Variants in FAM171A1 observed in about 807,000 individuals in gnomAD.
FAM171A1 encodes family with sequence similarity 171 member A1.
Under a neutral mutation model 74.9 loss-of-function variants are expected in FAM171A1, and 23 were observed. The ratio of observed to expected loss-of-function variants is 0.31; its 90% CI spans 0.22 to 0.44. FAM171A1 has a LOEUF of 0.44. Among genes scored for constraint, FAM171A1 ranks in the 20% least tolerant of loss-of-function variants. The pLI, the probability that FAM171A1 is intolerant of heterozygous loss-of-function variation, is 1.00. For missense variants in FAM171A1, 1,162 were observed against 1,159.2 expected, an observed-to-expected ratio of 1.00 and a Z score of -0.03; for synonymous variants, 527 against 505.7, an observed-to-expected ratio of 1.04 and a Z score of -0.57.
intron 1 of FAM171A1, among the ~76,000 whole-genome samples, chr10:15,329,409 G>A (rs1181958785): frequency 2.0e-5 from 3 of 152,144 alleles, no homozygotes; most frequent in Non-Finnish European, 4.4e-5. Flanking sequence ...AGCACTTTGT[G>A]AGGCCAAGGC....
intron 1 of FAM171A1, among the ~76,000 whole-genome samples, chr10:15,286,664 C>T (rs1180435171): frequency 2.0e-5 from 3 of 152,212 alleles, no homozygotes; most frequent in Non-Finnish European, 2.9e-5. Context: ...GTTTGAGAAT[C>T]TCCACCTTGG....
chr10:15,312,790 G>A (rs927160221), intron 1 of FAM171A1, among the ~76,000 whole-genome samples: 3 of 137,512 alleles, frequency 2.2e-5, no homozygotes, highest in Non-Finnish European at 4.6e-5. Context: ...CTCCGCCTCC[G>A]AGGTCTAAGC....
intron 1 of FAM171A1, among the ~76,000 whole-genome samples, chr10:15,343,192 T>A (rs1835784070): frequency 6.6e-6 from 1 of 152,002 alleles, no homozygotes; most frequent in Non-Finnish European, 1.5e-5. Context: ...CAAGACCCCA[T>A]CACTTAAAAA....
intron 4 of FAM171A1, 120 bp downstream of exon 4, chr10:15,254,601 C>A: frequency 9.1e-7 from 1 of 1,104,330 alleles, no homozygotes; most frequent in Admixed American, 2.6e-5. Context: ...AAGAATTCCC[C>A]TTCTGCACCT....
chr10:15,299,008 C>T (rs538532400), intron 1 of FAM171A1, among the ~76,000 whole-genome samples: 1 of 152,276 alleles, frequency 6.6e-6, no homozygotes, highest in Non-Finnish European at 1.5e-5. Flanking sequence ...GCAACCTCTA[C>T]CTCCCAGGTT....
At chr10:15,256,841 CAT>C (rs1279423751) in intron 3 of FAM171A1, among the ~76,000 whole-genome samples, 2 of 152,206 alleles carry the variant, frequency 1.3e-5, no homozygotes, top group African/African-American at 2.4e-5. Context: ...TGCCCACACA[CAT>C]GGCGCACAGC....
intron 1 of FAM171A1, among the ~76,000 whole-genome samples, chr10:15,354,037 T>C (rs1564288986): frequency 6.6e-6 from 1 of 152,212 alleles, no homozygotes; most frequent in South Asian, 2.1e-4. Flanking sequence ...ACGCCAGGCA[T>C]TGTCCTTCCA....
chr10:15,225,948 T>C (rs935441474), intron 5 of FAM171A1, among the ~76,000 whole-genome samples: 1 of 152,168 alleles, frequency 6.6e-6, no homozygotes, highest in East Asian at 1.9e-4. Context: ...GTCCCTAATG[T>C]GACAGCAGCC....
intron 1 of FAM171A1, among the ~76,000 whole-genome samples, chr10:15,298,231 T>C (rs1355036423): frequency 2.6e-5 from 4 of 152,126 alleles, no homozygotes; most frequent in South Asian, 2.1e-4. Context: ...GCCTTCCAGG[T>C]TGAAGCGATT....
intron 1 of FAM171A1, among the ~76,000 whole-genome samples, chr10:15,357,736 G>A (rs1277778819): frequency 6.6e-6 from 1 of 152,166 alleles, no homozygotes; most frequent in Non-Finnish European, 1.5e-5. Context: ...TATGATTAAT[G>A]GATGGATAGA....
chr10:15,325,728 G>A (rs1414103484), intron 1 of FAM171A1, among the ~76,000 whole-genome samples: 4 of 152,052 alleles, frequency 2.6e-5, no homozygotes, highest in South Asian at 2.1e-4. Flanking sequence ...CATGTTACAC[G>A]CTCATCTTCG....
intron 1 of FAM171A1, among the ~76,000 whole-genome samples, chr10:15,356,622 A>T (rs973573770): frequency 5.3e-5 from 8 of 152,346 alleles, no homozygotes; most frequent in African/African-American, 1.9e-4. Context: ...CAGCAATAAA[A>T]AGAAACAAAC....
Position 15,370,941 on chromosome 10 carries a change from C to A in FAM171A1, c.97+15G>T. On this transcript the variant is annotated intron_variant, in intron 1 of 7. Coordinates refer to ENST00000378116, the MANE Select transcript of FAM171A1 (RefSeq NM_001010924.2). ...GCGCGACACAAAGCCCCCGGCCCCG[C>A]CGCCGCCCACTGACCTTGGGCTCCG... The A allele has an allele frequency of 8.8e-7, 1 of 1,140,864 alleles. No individual in the cohort carries two copies. Among genetic ancestry groups the A allele is most frequent in the Non-Finnish European group, 1.1e-6 (1 of 911,220 alleles). The allele number at this position is 1,140,864 out of a possible 1,614,324, so 70.7% of individuals were successfully genotyped here.
rs116795635 is a variant in FAM171A1 at position 15,247,813 on chromosome 10, G to A, written c.754+826C>T. On this transcript the variant is annotated intron_variant, in intron 5 of 7. Transcript: ENST00000378116. The stretch of plus-strand genomic sequence containing the variant: ...ATTTACTCTTGGATCATTTGCTCAG[G>A]GGAAAGCAAACTACCGTGTAGTAAG... Among the ~76,000 whole-genome samples, 353 of 152,204 alleles carry A rather than the reference G, an allele frequency of 2.3e-3. 2 individuals carry two copies. The highest frequency in any genetic ancestry group is 8.2e-3 in the African/African-American group (341 of 41,522).
Position 15,254,785 on chromosome 10 carries a change from G to A in FAM171A1, c.513C>T (p.Ala171=), listed in dbSNP as rs765437683. Residue 171 remains alanine, a synonymous_variant, in exon 4 of 8, where the codon GCC becomes GCT. Transcript: ENST00000378116. ...TGTCCACCTCCGAAGGGGAGCTGGC[G>A]GCCGTGAGAAACGCGGTCAGGTCAC... ...SYSDLTAFLT[A]ASSPSEVDSF... is the part of the protein sequence containing the mutation. 12 of 1,614,042 alleles carry A rather than the reference G, an allele frequency of 7.4e-6. No homozygotes were observed. The highest frequency in any genetic ancestry group is 6.7e-5 in the East Asian group (3 of 44,892).
intron 2 of FAM171A1, among the ~76,000 whole-genome samples, chr10:15,279,084 C>T (rs1161821404): frequency 2.0e-5 from 3 of 152,150 alleles, no homozygotes; most frequent in Non-Finnish European, 4.4e-5. Context: ...ATTTACAAGG[C>T]CCTGACCACC....
chr10:15,241,498 A>G (rs1057336530), intron 5 of FAM171A1: 1 of 152,226 alleles, frequency 6.6e-6, no homozygotes, highest in African/African-American at 2.4e-5. Flanking sequence ...ATGCCAGCAG[A>G]TGGGCCTGGC....
At chr10:15,295,570 G>A (rs1246031745) in intron 1 of FAM171A1, among the ~76,000 whole-genome samples, 1 of 152,130 alleles carries the variant, frequency 6.6e-6, no homozygotes, top group Admixed American at 6.6e-5. Flanking sequence ...CCTCTTAACC[G>A]CTTTTCATTC....
intron 5 of FAM171A1, among the ~76,000 whole-genome samples, chr10:15,222,163 A>G (rs541931843): frequency 6.6e-6 from 1 of 152,268 alleles, no homozygotes; most frequent in South Asian, 2.1e-4. Flanking sequence ...CCTCCTGTGC[A>G]GCTCACCTCT....
Sources: gnomAD v4.1 joint callset for allele counts (sites outside exome capture counted in the v4.1 genomes callset) on GRCh38, gnomAD v4.1.1 for gene constraint, MANE v1.5 for transcripts, NCBI Gene and HGNC (gene_info 2026-07-23, HGNC 2026-07-21) for gene names.